The following RNF38 variants were observed in gnomAD, a reference collection of about 807,000 sequenced individuals.
RNF38 encodes E3 ubiquitin-protein ligase RNF38.
Under a neutral mutation model 67.2 loss-of-function variants are expected in RNF38, and 15 were observed. The observed-to-expected ratio is 0.22, with a 90% confidence interval of 0.15 to 0.34. The LOEUF (loss-of-function observed/expected upper bound fraction) is 0.34. RNF38 is among the 10% of genes least tolerant of loss of function. RNF38 has a pLI of 1.00. For synonymous variants in RNF38, 220 were observed against 218.8 expected (o/e 1.01, Z -0.05); for missense variants, 524 against 639.9 (o/e 0.82, Z 1.95).
Position 36,353,345 on chromosome 9 carries a change from A to G in RNF38, c.910-14T>C. Reference sequence around the variant, plus strand: ...CCTTTGCAGAGGCTGAGGAGGGGGAAAAAAAAACACATATATGTATATATA... The same window carrying G: ...CCTTTGCAGAGGCTGAGGAGGGGGAGAAAAAAACACATATATGTATATATA... On this transcript the variant is annotated splice_polypyrimidine_tract_variant and intron_variant, in intron 6 of 11. Transcript: ENST00000259605. 6.5e-7 allele frequency: 1 copy of G among 1,542,474 alleles called. No homozygotes were observed. The highest frequency in any genetic ancestry group is 1.2e-5 in the South Asian group (1 of 81,492).
In RNF38 at chr9:36,423,821, C is replaced by T. The variant is rs1250136986; in HGVS notation, n.312+792G>A. 1.8e-4 allele frequency among the ~76,000 whole-genome samples: 16 copies of T among 88,378 alleles called. 3 individuals carry two copies. Among genetic ancestry groups the T allele is most frequent in the Admixed American group, 2.9e-4 (3 of 10,204 alleles). 58.0% of individuals were successfully genotyped at this position (88,378 alleles called of 152,430 possible). A position where few individuals can be genotyped will look rare whatever the true frequency, so the allele number is the denominator to read the frequency against. On this transcript the variant is annotated intron_variant and non_coding_transcript_variant, in intron 2 of 3. Coordinates refer to the RNF38 transcript ENST00000488058. The stretch of plus-strand genomic sequence containing the variant: ...AAAATTAGCCGGGCGTGGTGGCGGG[C>T]GCCTGTAGTCCCAGCTACTCGGGAG...
intron 1 of RNF38, among the ~76,000 whole-genome samples, chr9:36,451,604 G>C (rs548208565): frequency 7.2e-6 from 1 of 139,804 alleles, no homozygotes; most frequent in Non-Finnish European, 1.5e-5. Flanking sequence ...AGGTTCAAGC[G>C]ATTCTCCTGC....
intron 6 of RNF38, among the ~76,000 whole-genome samples, chr9:36,354,645 C>A (rs954064792): frequency 6.6e-6 from 1 of 152,100 alleles, no homozygotes; most frequent in Non-Finnish European, 1.5e-5. Context: ...CATGGATATA[C>A]CACTCTTTCG....
intron 1 of RNF38, among the ~76,000 whole-genome samples, chr9:36,440,644 C>T (rs974250843): frequency 1.3e-5 from 2 of 151,926 alleles, no homozygotes; most frequent in African/African-American, 4.8e-5. Context: ...TAAATAAGGC[C>T]CTGTTATCTA....
At chr9:36,424,048 C>A (rs1264805682) in intron 2 of RNF38, among the ~76,000 whole-genome samples, 1 of 151,978 alleles carries the variant, frequency 6.6e-6, no homozygotes, top group African/African-American at 2.4e-5. Context: ...GAAACCACCA[C>A]CAATAGTTTG....
At chr9:36,439,553 C>A (rs938990103) in intron 1 of RNF38, among the ~76,000 whole-genome samples, 4 of 151,982 alleles carry the variant, frequency 2.6e-5, no homozygotes, top group African/African-American at 9.7e-5. Context: ...GTCTGTAATC[C>A]CAGCACTTCG....
chr9:36,441,379 T>G (rs1316399420), intron 1 of RNF38, among the ~76,000 whole-genome samples: 2 of 151,250 alleles, frequency 1.3e-5, no homozygotes, highest in African/African-American at 4.9e-5. Context: ...CAGGCTAGAG[T>G]GCAATGGCAT....
rs1017519670 is a variant in RNF38 at position 36,411,849 on chromosome 9, A to G, written n.312+12764T>C. 9.2e-5 allele frequency among the ~76,000 whole-genome samples: 14 copies of G among 152,222 alleles called. No homozygotes were observed. The East Asian group carries it at 2.3e-3, about 25-fold the overall frequency. On this transcript the variant is annotated intron_variant and non_coding_transcript_variant, in intron 2 of 3. Coordinates refer to the RNF38 transcript ENST00000488058. ...CCTCCAAGGTGCTGGGAATATAGGC[A>G]TGAACCACCACGCTCAGCCTTACAA...
rs1361567742 is a variant in RNF38 at position 36,337,286 on chromosome 9, C to CT, written c.*2465dup. ...ACAATAAGCAAGTCTGCACACATCT[C>CT]TATGAGCCCCATGCAAAGACAAGAC... is the stretch of plus-strand genomic sequence containing the variant. On this transcript the variant is annotated 3_prime_UTR_variant, in exon 12 of 12. Transcript: ENST00000259605. 8.5e-5 allele frequency: 13 copies of CT among 152,476 alleles called. No individual in the cohort carries two copies. The highest frequency in any genetic ancestry group is 1.3e-4 in the Admixed American group (2 of 15,274). 9.4% of individuals were successfully genotyped at this position (152,476 alleles called of 1,614,324 possible).
At chr9:36,422,576 G>A (rs977106597) in intron 2 of RNF38, among the ~76,000 whole-genome samples, 4 of 152,144 alleles carry the variant, frequency 2.6e-5, no homozygotes, top group African/African-American at 7.2e-5. Context: ...GCTACCTATC[G>A]ATAAGTACTA....
At chr9:36,376,390 G>A (rs964208614) in intron 2 of RNF38, among the ~76,000 whole-genome samples, 2 of 152,114 alleles carry the variant, frequency 1.3e-5, no homozygotes, top group South Asian at 2.1e-4. Context: ...ATGAGGTAAC[G>A]ACATATAGGG....
chr9:36,442,173 C>A (rs1015643411), intron 1 of RNF38, among the ~76,000 whole-genome samples: 1 of 152,174 alleles, frequency 6.6e-6, no homozygotes, highest in Non-Finnish European at 1.5e-5. Flanking sequence ...CGGCTGTCAA[C>A]TTCCTGTTCT....
At chr9:36,351,054 G>A in intron 9 of RNF38, 61 bp downstream of exon 9, 2 of 1,212,270 alleles carry the variant, frequency 1.6e-6, no homozygotes, top group Non-Finnish European at 2.4e-6. Context: ...AAAGAGTTAA[G>A]TAGAATAATA....
At chr9:36,370,023 T>C (rs998156861) in intron 3 of RNF38, 91 bp from the exon 4 acceptor site, 16 of 1,033,276 alleles carry the variant, frequency 1.5e-5, no homozygotes, top group African/African-American at 9.7e-5. Context: ...CAATAGTATA[T>C]GCTAAGGTAA....
chr9:36,427,026 G>A (rs919607414), intron 1 of RNF38, among the ~76,000 whole-genome samples: 3 of 152,168 alleles, frequency 2.0e-5, no homozygotes, highest in Non-Finnish European at 4.4e-5. Context: ...ATTTACCTGT[G>A]AGACACTGCC....
At chr9:36,470,695 T>G (rs1839976187) in intron 1 of RNF38, among the ~76,000 whole-genome samples, 1 of 152,124 alleles carries the variant, frequency 6.6e-6, no homozygotes, top group South Asian at 2.1e-4. Flanking sequence ...ATCTGTCACC[T>G]TAAAACAAAC....
At chr9:36,347,731 G>T (rs890607696) in intron 9 of RNF38, among the ~76,000 whole-genome samples, 1 of 152,114 alleles carries the variant, frequency 6.6e-6, no homozygotes, top group African/African-American at 2.4e-5. Context: ...CCCCACAATG[G>T]CCTCTAATTG....
chr9:36,391,858 C>G (rs1459264467), intron 1 of RNF38, among the ~76,000 whole-genome samples: 1 of 152,178 alleles, frequency 6.6e-6, no homozygotes, highest in African/African-American at 2.4e-5. Context: ...CGTGATCCGT[C>G]CGCCTCGGCC....
At position 36,369,947 on chromosome 9, in the gene RNF38, A is replaced by T. The variant is rs1835253121; in HGVS notation, c.357-15T>A. 6.2e-7 allele frequency: 1 copy of T among 1,601,720 alleles called. No individual in the cohort carries two copies. Among genetic ancestry groups the T allele is most frequent in the Non-Finnish European group, 8.5e-7 (1 of 1,171,974 alleles). On this transcript the variant is annotated splice_polypyrimidine_tract_variant and intron_variant, in intron 3 of 11. Transcript: ENST00000259605. ...TGACAGGAGGACTGTGATAAATATC[A>T]AAAAGAAAGTCATTATGCTTATTGT...
Sources: allele counts gnomAD v4.1 joint callset (sites outside exome capture counted in the v4.1 genomes callset), GRCh38; gene constraint gnomAD v4.1.1; transcripts MANE v1.5; gene names NCBI Gene and HGNC (gene_info 2026-07-23, HGNC 2026-07-21).